Variants in MYO3B observed in about 807,000 individuals in gnomAD.
MYO3B encodes myosin-IIIb.
Under a neutral mutation model 174.6 loss-of-function variants are expected in MYO3B, and 156 were observed. The ratio of observed to expected loss-of-function variants is 0.89; its 90% CI spans 0.78 to 1.02. The LOEUF (loss-of-function observed/expected upper bound fraction) is 1.02. Among genes scored for constraint, MYO3B ranks in the 50% least tolerant of loss-of-function variants. MYO3B has a pLI of 0.00. For missense variants in MYO3B, 1,632 were observed against 1,639.4 expected, an observed-to-expected ratio of 1.00 and a Z score of 0.08; for synonymous variants, 563 against 569.1, an observed-to-expected ratio of 0.99 and a Z score of 0.15.
intron 6 of MYO3B, among the ~76,000 whole-genome samples, chr2:170,231,506 G>T (rs1393763505): frequency 6.6e-6 from 1 of 152,190 alleles, no homozygotes; most frequent in African/African-American, 2.4e-5. Flanking sequence ...CAGCATTAGT[G>T]TTTTTCTTCT....
chr2:170,527,317 A>G (rs1418205240), intron 30 of MYO3B, among the ~76,000 whole-genome samples: 2 of 152,228 alleles, frequency 1.3e-5, no homozygotes, highest in African/African-American at 2.4e-5. Context: ...AGTACACAAA[A>G]TGTTTTGTTG....
At chr2:170,649,036 TATA>T (rs1282182057) in intron 32 of MYO3B, among the ~76,000 whole-genome samples, 1 of 81,778 alleles carries the variant, frequency 1.2e-5, no homozygotes, top group Non-Finnish European at 2.1e-5. Flanking sequence ...TAAAATAATA[TATA>T]ATGTATATTA....
At chr2:170,216,315 G>A (rs6708974) in intron 5 of MYO3B, among the ~76,000 whole-genome samples, 58,308 of 152,028 alleles carry the variant, frequency 0.38, 11,151 homozygotes, top group East Asian at 0.45. Flanking sequence ...CCTTATGTGT[G>A]TAAAATGCTT....
intron 7 of MYO3B, among the ~76,000 whole-genome samples, chr2:170,278,139 T>G (rs948949584): frequency 6.6e-6 from 1 of 152,178 alleles, no homozygotes; most frequent in African/African-American, 2.4e-5. Context: ...ATTATGATTA[T>G]TTGGAGACAA....
Position 170,302,066 on chromosome 2 carries a change from C to T in MYO3B, c.750-33319C>T, listed in dbSNP as rs568757204. On this transcript the variant is annotated intron_variant, in intron 7 of 34. Transcript: ENST00000408978. ...TGAAATGTGGGAGCAGGCATAAGCA[C>T]GTCTTCCCACCAAGCCAGATACATC... is the stretch of plus-strand genomic sequence containing the variant. Among the ~76,000 whole-genome samples the T allele has an allele frequency of 6.4e-4, 97 of 152,040 alleles. 1 individual carries two copies. Among genetic ancestry groups the T allele is most frequent in the African/African-American group, 2.1e-3 (89 of 41,486 alleles).
chr2:170,302,078 A>G (rs2093669638), intron 7 of MYO3B, among the ~76,000 whole-genome samples: 1 of 152,042 alleles, frequency 6.6e-6, no homozygotes, highest in Admixed American at 6.6e-5. Flanking sequence ...TCTTCCCACC[A>G]AGCCAGATAC....
At chr2:170,279,587 G>A (rs2093490956) in intron 7 of MYO3B, among the ~76,000 whole-genome samples, 2 of 152,052 alleles carry the variant, frequency 1.3e-5, no homozygotes, top group African/African-American at 4.8e-5. Flanking sequence ...GTACCCAATA[G>A]TTATCTTTTC....
intron 7 of MYO3B, among the ~76,000 whole-genome samples, chr2:170,332,872 T>C (rs565477342): frequency 4.6e-5 from 7 of 152,182 alleles, no homozygotes; most frequent in Non-Finnish European, 7.3e-5. Flanking sequence ...AAAGTGGATA[T>C]TCACCATCCA....
In MYO3B at chr2:170,392,439, A is replaced by C. The variant is rs2094418530; in HGVS notation, c.1735A>C (p.Arg579=). Residue 579 remains arginine, a synonymous_variant, in exon 16 of 35, where the codon AGA becomes CGA. Transcript: ENST00000408978. ...MHDITSKESY[R]RQFEAIQHCF... ...CGACATAACTTCCAAGGAGTCTTACAGAAGACAATTCGAAGCAATTCAGCA... is the reference window on the plus strand; with the variant it reads ...CGACATAACTTCCAAGGAGTCTTACCGAAGACAATTCGAAGCAATTCAGCA... 1 of 1,601,316 alleles carries C rather than the reference A, an allele frequency of 6.2e-7. No homozygotes were observed. The highest frequency in any genetic ancestry group is 8.5e-7 in the Non-Finnish European group (1 of 1,172,162).
chr2:170,298,500 C>T (rs1383139192), intron 7 of MYO3B, among the ~76,000 whole-genome samples: 1 of 151,750 alleles, frequency 6.6e-6, no homozygotes, highest in Non-Finnish European at 1.5e-5. Context: ...GATGGTGAAA[C>T]CTTGTCTCTA....
At chr2:170,479,527 TAG>T (rs1264514059) in intron 25 of MYO3B, among the ~76,000 whole-genome samples, 5 of 146,186 alleles carry the variant, frequency 3.4e-5, no homozygotes, top group African/African-American at 4.9e-5. Context: ...ATCTATATAA[TAG>T]AGGTGTATTT....
At chr2:170,192,143 T>C (rs907937645) in intron 1 of MYO3B, among the ~76,000 whole-genome samples, 1 of 152,080 alleles carries the variant, frequency 6.6e-6, no homozygotes, top group African/African-American at 2.4e-5. Context: ...CTGGAAAACA[T>C]AAATAGCATT....
intron 32 of MYO3B, among the ~76,000 whole-genome samples, chr2:170,573,235 AT>A (rs370079537): frequency 0.56 from 83,368 of 150,076 alleles, 24,389 homozygotes; most frequent in Non-Finnish European, 0.64. Context: ...GTGTATATAT[AT>A]ATATATATAT....
intron 28 of MYO3B, among the ~76,000 whole-genome samples, chr2:170,509,853 T>C (rs1191878168): frequency 6.6e-6 from 1 of 152,142 alleles, no homozygotes; most frequent in Non-Finnish European, 1.5e-5. Flanking sequence ...GTCTGAAGAG[T>C]TGGAAGATCT....
At chr2:170,449,721 G>A (rs1462525972) in intron 23 of MYO3B, among the ~76,000 whole-genome samples, 1 of 151,872 alleles carries the variant, frequency 6.6e-6, no homozygotes, top group Non-Finnish European at 1.5e-5. Context: ...AGGCTGCGGT[G>A]AGCTGAGATC....
At chr2:170,594,375 A>T (rs1315427224) in intron 32 of MYO3B, among the ~76,000 whole-genome samples, 1 of 151,934 alleles carries the variant, frequency 6.6e-6, no homozygotes, top group Non-Finnish European at 1.5e-5. Context: ...GAGAGGAGAG[A>T]CTCTAGGCTT....
chr2:170,583,376 C>T (rs1693281499), intron 32 of MYO3B, among the ~76,000 whole-genome samples: 1 of 152,122 alleles, frequency 6.6e-6, no homozygotes, highest in Non-Finnish European at 1.5e-5. Flanking sequence ...GGCATCATTT[C>T]TAAATTTGCC....
At chr2:170,241,881 T>A (rs534175822) in intron 7 of MYO3B, among the ~76,000 whole-genome samples, 1 of 152,288 alleles carries the variant, frequency 6.6e-6, no homozygotes, top group Admixed American at 6.5e-5. Flanking sequence ...AACCAAATTG[T>A]TCCTATATGG....
At chr2:170,436,740 G>T (rs1416123224) in intron 22 of MYO3B, among the ~76,000 whole-genome samples, 4 of 152,204 alleles carry the variant, frequency 2.6e-5, no homozygotes, top group Non-Finnish European at 5.9e-5. Flanking sequence ...GAGAAGTGGT[G>T]AAGGGTGTGT....
Sources: allele counts gnomAD v4.1 joint callset (sites outside exome capture counted in the v4.1 genomes callset), GRCh38; gene constraint gnomAD v4.1.1; transcripts MANE v1.5; gene names NCBI Gene and HGNC (gene_info 2026-07-23, HGNC 2026-07-21).